CRMP1: variants seen among roughly 807,000 people sequenced by gnomAD.
CRMP1 encodes the protein dihydropyrimidinase-related protein 1.
In CRMP1, 19 loss-of-function variants were observed where a neutral mutation model predicts 68.3. The ratio of observed to expected loss-of-function variants is 0.28; its 90% CI spans 0.19 to 0.41. CRMP1 has a LOEUF of 0.41. Ranked by LOEUF, CRMP1 falls within the 10% of genes least tolerant of loss-of-function variation. CRMP1 has a pLI of 1.00. For synonymous variants in CRMP1, 439 were observed against 399.6 expected (o/e 1.10, Z -1.18); for missense variants, 791 against 967.4 (o/e 0.82, Z 2.42).
chr4:5,859,319 G>A lies in CRMP1; in HGVS notation c.655+1707C>T, dbSNP rs1288647299. ...TTTGGAAACTGCCCTTCACAGGTGA[G>A]GAGGATAAGGCTTACAGGGCAGGGC... On this transcript the variant is annotated intron_variant, in intron 3 of 13. Coordinates refer to ENST00000324989, the MANE Select transcript of CRMP1 (RefSeq NM_001014809.3). This position sits in a 1 kb window ranked among gnomAD's most constrained non-coding sequence, Gnocchi z 5.2. Among the ~76,000 whole-genome samples, 3 of 152,154 alleles carry A rather than the reference G, an allele frequency of 2.0e-5. No individual in the cohort carries two copies. The highest frequency in any genetic ancestry group is 4.4e-5 in the Non-Finnish European group (3 of 68,030).
In CRMP1 at chr4:5,883,414, C is replaced by T. The variant is rs1715352147; in HGVS notation, c.381+9175G>A. Among the ~76,000 whole-genome samples, 2 of 152,210 alleles carry T rather than the reference C, an allele frequency of 1.3e-5. No homozygotes were observed. The highest frequency in any genetic ancestry group is 4.2e-4 in the South Asian group (2 of 4,814). On this transcript the variant is annotated intron_variant, in intron 1 of 13. Coordinates refer to ENST00000324989, the MANE Select transcript of CRMP1 (RefSeq NM_001014809.3). This position sits in a 1 kb window ranked among gnomAD's most constrained non-coding sequence, Gnocchi z 4.5. ...TCCCAGGTTCAAGCAATTTCTCCTGCCTCAGCCTCCCGAATAGCTGGGATT... is the reference window on the plus strand; with the variant it reads ...TCCCAGGTTCAAGCAATTTCTCCTGTCTCAGCCTCCCGAATAGCTGGGATT...
chr4:5,824,300 T>C, intron 13 of CRMP1: 1 of 985,416 alleles, frequency 1.0e-6, no homozygotes. Context: ...TTTAGCATTC[T>C]ATTTAGGGTC....
rs1715991555 is a variant in CRMP1 at position 5,892,357 on chromosome 4, C to G, written c.381+232G>C. On this transcript the variant is annotated intron_variant, in intron 1 of 13. Transcript: ENST00000324989. This position sits in a 1 kb window ranked among gnomAD's most constrained non-coding sequence, Gnocchi z 8.6. ...GTAGAAGAGGAGCCGGGACTGGACC[C>G]GGGCGATCCCTTCCGAGTCTCACGG... Among the ~76,000 whole-genome samples the G allele has an allele frequency of 6.6e-6, 1 of 150,730 alleles. No homozygotes were observed. The highest frequency in any genetic ancestry group is 2.5e-5 in the African/African-American group (1 of 40,062).
chr4:5,847,541 T>G (rs1712313704), intron 6 of CRMP1, among the ~76,000 whole-genome samples: 1 of 152,222 alleles, frequency 6.6e-6, no homozygotes, highest in Non-Finnish European at 1.5e-5. Flanking sequence ...AACAGAATAC[T>G]CTTGCATGAT....
In CRMP1 at chr4:5,836,792, C is replaced by T; in HGVS notation, c.1425G>A (p.Arg475=). The change falls in exon 10 of 14, where the codon CGG becomes CGA. Residue 475 remains arginine (R), a synonymous_variant. Coordinates refer to ENST00000324989, the MANE Select transcript of CRMP1 (RefSeq NM_001014809.3). ...CCGCCTTGTCCCAGACGACCGTCAT[C>T]CGCTCCTCTATCCCGTTGACACCCT... is the stretch of plus-strand genomic sequence containing the variant. ...IPEGVNGIEE[R]MTVVWDKAVA... 6.2e-7 allele frequency: 1 copy of T among 1,614,064 alleles called. No homozygotes were observed. Among genetic ancestry groups the T allele is most frequent in the Non-Finnish European group, 8.5e-7 (1 of 1,179,920 alleles).
intron 1 of CRMP1, among the ~76,000 whole-genome samples, chr4:5,871,826 T>G (rs1714475215): frequency 6.6e-6 from 1 of 152,240 alleles, no homozygotes; most frequent in Non-Finnish European, 1.5e-5. Context: ...CCCTTTGTGG[T>G]GTGGAAAATC....
chr4:5,862,355 C>T (rs982040888), intron 2 of CRMP1, among the ~76,000 whole-genome samples: 1 of 152,094 alleles, frequency 6.6e-6, no homozygotes, highest in East Asian at 1.9e-4. Flanking sequence ...TAACCAATCC[C>T]TTACCCCCAG....
In CRMP1 at chr4:5,866,636, G is replaced by T; in HGVS notation, c.470+32C>A. On this transcript the variant is annotated intron_variant, in intron 2 of 13. Coordinates refer to ENST00000324989, the MANE Select transcript of CRMP1 (RefSeq NM_001014809.3). The surrounding 1 kb of genome is among the most constrained non-coding windows in gnomAD (Gnocchi z 5.9). ...AAGGCCAGGCAGCCTGGCGACACAG[G>T]TTTCTTAAAAGGTCCGTTTTGATCA... 1 of 1,557,254 alleles carries T rather than the reference G, an allele frequency of 6.4e-7. No homozygotes were observed. The highest frequency in any genetic ancestry group is 8.8e-7 in the Non-Finnish European group (1 of 1,133,136).
chr4:5,848,643 A>T (rs1405082653), intron 6 of CRMP1, among the ~76,000 whole-genome samples: 2 of 152,362 alleles, frequency 1.3e-5, no homozygotes, highest in East Asian at 3.9e-4. Flanking sequence ...CTGTTTTCTG[A>T]TGCTATTACA....
rs533957952 is a variant in CRMP1, at chr4:5,854,692, G to A, written c.820+1451C>T. Among the ~76,000 whole-genome samples the A allele has an allele frequency of 1.3e-5, 2 of 152,270 alleles. No individual in the cohort carries two copies. The highest frequency in any genetic ancestry group is 2.4e-5 in the African/African-American group (1 of 41,552). ...AAAGAACTGCCATGAAAACCACAAT[G>A]GTGGTGTCTTTCACCCATCGAATCG... On this transcript the variant is annotated intron_variant, in intron 4 of 13. Coordinates refer to ENST00000324989, the MANE Select transcript of CRMP1 (RefSeq NM_001014809.3). This position sits in a 1 kb window ranked among gnomAD's most constrained non-coding sequence, Gnocchi z 4.0.
rs79326475 is a variant in CRMP1, at chr4:5,886,209, T to C, written c.381+6380A>G. On this transcript the variant is annotated intron_variant, in intron 1 of 13. Coordinates refer to ENST00000324989, the MANE Select transcript of CRMP1 (RefSeq NM_001014809.3). ...TAAGCATAACTTACAGCCTCTCTCCTTCCCATGCTCATTGAAACCACCTTT... is the reference window on the plus strand; with the variant it reads ...TAAGCATAACTTACAGCCTCTCTCCCTCCCATGCTCATTGAAACCACCTTT... Among the ~76,000 whole-genome samples the C allele has an allele frequency of 7.2e-5, 11 of 152,322 alleles. No individual in the cohort carries two copies. The East Asian group carries it at 2.1e-3, about 29-fold the overall frequency.
At chr4:5,857,727 A>T (rs1713242194) in intron 3 of CRMP1, among the ~76,000 whole-genome samples, 1 of 152,204 alleles carries the variant, frequency 6.6e-6, no homozygotes. Context: ...AGGTTATCCA[A>T]GACCTGTCAG....
intron 13 of CRMP1, among the ~76,000 whole-genome samples, chr4:5,824,098 C>T (rs557347136): frequency 6.6e-6 from 1 of 152,220 alleles, no homozygotes; most frequent in Non-Finnish European, 1.5e-5. Context: ...CATTGTTATT[C>T]TTGTTCTAAG....
At chr4:5,878,183 C>T (rs1714974112) in intron 1 of CRMP1, among the ~76,000 whole-genome samples, 1 of 151,700 alleles carries the variant, frequency 6.6e-6, no homozygotes, top group Non-Finnish European at 1.5e-5. Flanking sequence ...GATGGTACAG[C>T]AGCTAGGATT....
chr4:5,840,185 C>G (rs1056530382), intron 8 of CRMP1, among the ~76,000 whole-genome samples: 3 of 152,188 alleles, frequency 2.0e-5, no homozygotes, highest in Non-Finnish European at 2.9e-5. Flanking sequence ...CCCTGGCACT[C>G]AGTCCTGCTC....
Position 5,825,935 on chromosome 4 carries a change from C to A in CRMP1, c.1804-276G>T. On this transcript the variant is annotated intron_variant, in intron 12 of 13. Coordinates refer to ENST00000324989, the MANE Select transcript of CRMP1 (RefSeq NM_001014809.3). The surrounding 1 kb of genome is among the most constrained non-coding windows in gnomAD (Gnocchi z 4.4). ...CCACGCACACGCACTCACATACATG[C>A]AGTCATGCACACATATATGCATGCA... The A allele has an allele frequency of 2.1e-6, 1 of 482,202 alleles. No individual in the cohort carries two copies. The highest frequency in any genetic ancestry group is 3.6e-6 in the Non-Finnish European group (1 of 274,114). 29.9% of individuals were successfully genotyped at this position (482,202 alleles called of 1,614,324 possible).
intron 1 of CRMP1, among the ~76,000 whole-genome samples, chr4:5,886,903 C>T (rs149649117): frequency 3.8e-4 from 58 of 152,346 alleles, no homozygotes; most frequent in African/African-American, 1.3e-3. Context: ...AGCTGAGAGA[C>T]GGAGAAGAGG....
At chr4:5,851,981 GAAGAGGAAGAGGAGGAGA>G (rs1428186813) in intron 4 of CRMP1, among the ~76,000 whole-genome samples, 63 of 49,262 alleles carry the variant, frequency 1.3e-3, no homozygotes, top group Middle Eastern at 0.013. Flanking sequence ...AGAGGAGGAG[GAAGAGGAAGAGGAGGAGA>G]AAGAGGACGA....
rs1719335321 is a variant in CRMP1, at chr4:5,825,122, A to G, written c.1969+372T>C. The G allele has an allele frequency of 2.0e-6, 2 of 985,438 alleles. No homozygotes were observed. The highest frequency in any genetic ancestry group is 1.2e-6 in the Non-Finnish European group (1 of 829,936). The allele number at this position is 985,438 out of a possible 1,614,324, so 61.0% of individuals were successfully genotyped here. A position where few individuals can be genotyped will look rare whatever the true frequency, so the allele number is the denominator to read the frequency against. The stretch of plus-strand genomic sequence containing the variant: ...CAGGCTAAAGACTTACACAGAGCAC[A>G]TGCCCTGCAAATGGCAGCTACTCCC... On this transcript the variant is annotated intron_variant, in intron 13 of 13. Coordinates refer to ENST00000324989, the MANE Select transcript of CRMP1 (RefSeq NM_001014809.3). The surrounding 1 kb of genome is among the most constrained non-coding windows in gnomAD (Gnocchi z 4.4).
Sources: allele counts gnomAD v4.1 joint callset (sites outside exome capture counted in the v4.1 genomes callset), GRCh38; gene constraint gnomAD v4.1.1; non-coding constraint Gnocchi (gnomAD v3.1); transcripts MANE v1.5; gene names NCBI Gene and HGNC (gene_info 2026-07-23, HGNC 2026-07-21).